NPAS3: variants seen among roughly 807,000 people sequenced by gnomAD.
NPAS3 encodes the protein neuronal PAS domain protein 3.
Under a neutral mutation model 73.1 loss-of-function variants are expected in NPAS3, and 14 were observed. The ratio of observed to expected loss-of-function variants is 0.19; its 90% CI spans 0.13 to 0.30. The LOEUF is 0.30. NPAS3 is among the 10% of genes least tolerant of loss of function. NPAS3 has a pLI of 1.00. For synonymous variants in NPAS3, 620 were observed against 541.5 expected (o/e 1.14, Z -2.01); for missense variants, 1,096 against 1,250.0 (o/e 0.88, Z 1.86).
At chr14:33,254,654 C>T (rs897165063) in intron 3 of NPAS3, among the ~76,000 whole-genome samples, 1 of 152,042 alleles carries the variant, frequency 6.6e-6, no homozygotes. Flanking sequence ...GTTATAAAAG[C>T]CGTTTATAAA....
chr14:33,192,238 C>T (rs1299796104), intron 2 of NPAS3, among the ~76,000 whole-genome samples: 1 of 151,994 alleles, frequency 6.6e-6, no homozygotes, highest in Admixed American at 6.6e-5. Flanking sequence ...ATGAGAAAAA[C>T]AATATGAAGC....
chr14:33,212,234 A>G (rs1232709427), intron 2 of NPAS3, among the ~76,000 whole-genome samples: 1 of 152,172 alleles, frequency 6.6e-6, no homozygotes, highest in African/African-American at 2.4e-5. Flanking sequence ...CTTTGACTGT[A>G]CTTTATTGCA....
At position 33,471,310 on chromosome 14, in the gene NPAS3, C is replaced by T. The variant is rs190303934; in HGVS notation, c.469-88811C>T. Among the ~76,000 whole-genome samples, 13 of 152,320 alleles carry T rather than the reference C, an allele frequency of 8.5e-5. No individual in the cohort carries two copies. The East Asian group carries it at 1.5e-3, about 18-fold the overall frequency. ...TCTCATGACCTTACTCCTTATTCACCGCTTTTTGCCAACCATATGATTTTC... is the reference window on the plus strand; with the variant it reads ...TCTCATGACCTTACTCCTTATTCACTGCTTTTTGCCAACCATATGATTTTC... On this transcript the variant is annotated intron_variant, in intron 4 of 11. Transcript: ENST00000356141.
chr14:33,034,337 C>T (rs1263983481), intron 1 of NPAS3, among the ~76,000 whole-genome samples: 4 of 151,672 alleles, frequency 2.6e-5, no homozygotes, highest in Non-Finnish European at 4.4e-5. Context: ...CTTGAGTCTT[C>T]ATGCTCATTC....
At chr14:33,651,555 C>G (rs1270408588) in intron 5 of NPAS3, among the ~76,000 whole-genome samples, 1 of 152,004 alleles carries the variant, frequency 6.6e-6, no homozygotes, top group Non-Finnish European at 1.5e-5. Flanking sequence ...TTAAAAAAAC[C>G]CACAAGTATA....
At chr14:33,240,621 A>G (rs1767083329) in intron 3 of NPAS3, among the ~76,000 whole-genome samples, 1 of 151,602 alleles carries the variant, frequency 6.6e-6, no homozygotes, top group Non-Finnish European at 1.5e-5. Flanking sequence ...GAGAAGCCAA[A>G]GGAACATTTG....
intron 4 of NPAS3, among the ~76,000 whole-genome samples, chr14:33,372,929 C>T (rs2046154426): frequency 1.3e-5 from 2 of 152,136 alleles, no homozygotes; most frequent in Non-Finnish European, 1.5e-5. Context: ...CTGCTTTCAA[C>T]GTTCTCTTAG....
intron 4 of NPAS3, among the ~76,000 whole-genome samples, chr14:33,466,035 G>A (rs147563067): frequency 2.2e-4 from 34 of 152,326 alleles, no homozygotes; most frequent in African/African-American, 7.7e-4. Context: ...TGGGGAGGCA[G>A]GCTGGAGCGT....
chr14:33,544,499 C>T (rs575743334), intron 4 of NPAS3, among the ~76,000 whole-genome samples: 12 of 151,832 alleles, frequency 7.9e-5, no homozygotes, highest in South Asian at 4.2e-4. Context: ...TATCAGAAGA[C>T]GAAGACAGAG....
At chr14:33,071,230 G>T (rs2041474570) in intron 2 of NPAS3, among the ~76,000 whole-genome samples, 1 of 152,126 alleles carries the variant, frequency 6.6e-6, no homozygotes, top group Non-Finnish European at 1.5e-5. Context: ...CAAATAATAT[G>T]CATGGAACTT....
intron 8 of NPAS3, among the ~76,000 whole-genome samples, chr14:33,776,506 C>A (rs1343193872): frequency 1.0e-5 from 1 of 96,960 alleles, no homozygotes; most frequent in African/African-American, 4.2e-5. Flanking sequence ...CTGCTTTTGG[C>A]GTTTTTCTTC....
chr14:33,048,016 T>A (rs1442438920), intron 1 of NPAS3, among the ~76,000 whole-genome samples: 1 of 152,222 alleles, frequency 6.6e-6, no homozygotes, highest in Non-Finnish European at 1.5e-5. Context: ...CAGAATTTGC[T>A]GGTAGGAATA....
intron 3 of NPAS3, among the ~76,000 whole-genome samples, chr14:33,263,497 G>A (rs1201479226): frequency 2.6e-5 from 4 of 152,192 alleles, no homozygotes; most frequent in Non-Finnish European, 5.9e-5. Flanking sequence ...TTTGGTACCA[G>A]TACCACGCTG....
intron 5 of NPAS3, among the ~76,000 whole-genome samples, chr14:33,598,835 A>G (rs2057319990): frequency 6.6e-6 from 1 of 152,252 alleles, no homozygotes; most frequent in South Asian, 2.1e-4. Context: ...TAAAGAAAAC[A>G]CAAGGCAGCA....
chr14:33,449,131 C>A (rs17101181), intron 4 of NPAS3, among the ~76,000 whole-genome samples: 10,932 of 152,130 alleles, frequency 0.072, 507 homozygotes, highest in African/African-American at 0.14. Context: ...GTATGTCCAC[C>A]GAAAAGAGAC....
rs548234925 is a variant in NPAS3 at position 33,074,403 on chromosome 14, G to A, written c.140+18409G>A. 2.0e-5 allele frequency among the ~76,000 whole-genome samples: 3 copies of A among 152,226 alleles called. No homozygotes were observed. In the South Asian group the frequency reaches 6.2e-4, roughly 32 times the overall value. ...ACACATGCATGTTGTGGGTGATGGT[G>A]CAGGGATAACACATTCTTTCTTTCT... On this transcript the variant is annotated intron_variant, in intron 2 of 11. Transcript: ENST00000356141.
intron 5 of NPAS3, among the ~76,000 whole-genome samples, chr14:33,625,742 G>T (rs891366164): frequency 1.3e-5 from 2 of 152,148 alleles, no homozygotes; most frequent in African/African-American, 4.8e-5. Flanking sequence ...AATGCTGTGA[G>T]TTAGGGGACC....
chr14:33,371,506 C>T (rs576023780), intron 4 of NPAS3, among the ~76,000 whole-genome samples: 3 of 152,226 alleles, frequency 2.0e-5, no homozygotes, highest in South Asian at 2.1e-4. Context: ...TCAGCAATCT[C>T]CTTTAAAAAT....
chr14:33,569,832 G>A (rs559590032), intron 5 of NPAS3, among the ~76,000 whole-genome samples: 1 of 152,216 alleles, frequency 6.6e-6, no homozygotes, highest in Non-Finnish European at 1.5e-5. Context: ...TGTACTAAAC[G>A]TTCTTGTCCT....
Sources: allele counts gnomAD v4.1 joint callset (sites outside exome capture counted in the v4.1 genomes callset), GRCh38; gene constraint gnomAD v4.1.1; transcripts MANE v1.5; gene names NCBI Gene and HGNC (gene_info 2026-07-23, HGNC 2026-07-21).